RPGRIP1: variants seen among roughly 807,000 people sequenced by gnomAD.
RPGRIP1 encodes X-linked retinitis pigmentosa GTPase regulator-interacting protein 1.
RPGRIP1 carries 128 observed loss-of-function variants against 157.9 expected under a neutral mutation model. That is an observed-to-expected ratio of 0.81 (90% CI 0.70 to 0.94). RPGRIP1 has a LOEUF of 0.94. Among genes scored for constraint, RPGRIP1 ranks in the 40% least tolerant of loss-of-function variants. The pLI is 0.00. For synonymous variants in RPGRIP1, 554 were observed against 571.6 expected (o/e 0.97, Z 0.44); for missense variants, 1,486 against 1,545.8 (o/e 0.96, Z 0.65).
chr14:21,331,473 G>A (rs748886943), intron 20 of RPGRIP1, among the ~76,000 whole-genome samples: 14 of 152,090 alleles, frequency 9.2e-5, no homozygotes, highest in Non-Finnish European at 1.8e-4. Flanking sequence ...AGTGAGCTGA[G>A]ATTATACCAC....
At chr14:21,342,785 G>A (rs138964091) in intron 21 of RPGRIP1, among the ~76,000 whole-genome samples, 6 of 152,212 alleles carry the variant, frequency 3.9e-5, no homozygotes, top group African/African-American at 1.4e-4. Context: ...CTGGAGAAAT[G>A]ATCCACTGGA....
intron 3 of RPGRIP1, among the ~76,000 whole-genome samples, chr14:21,296,901 G>A (rs372903429): frequency 6.7e-6 from 1 of 148,694 alleles, no homozygotes; most frequent in Non-Finnish European, 1.5e-5. Flanking sequence ...GCAGTGAGCC[G>A]AAATTGTGCC....
chr14:21,297,246 C>T (rs1035145407), intron 3 of RPGRIP1, among the ~76,000 whole-genome samples: 21 of 152,016 alleles, frequency 1.4e-4, no homozygotes, highest in African/African-American at 5.1e-4. Flanking sequence ...AAGCATGTGC[C>T]ACCATGCCTG....
At chr14:21,329,504 C>CTTT (rs1400332697) in intron 19 of RPGRIP1, among the ~76,000 whole-genome samples, 1 of 137,582 alleles carries the variant, frequency 7.3e-6, no homozygotes, top group Non-Finnish European at 1.6e-5. Flanking sequence ...CAAGTACTCA[C>CTTT]TTTTTTTTTT....
At chr14:21,305,640 C>T (rs1429300513) in intron 6 of RPGRIP1, among the ~76,000 whole-genome samples, 1 of 152,134 alleles carries the variant, frequency 6.6e-6, no homozygotes, top group African/African-American at 2.4e-5. Flanking sequence ...GTGGGTGGAT[C>T]ATTTGTGGTC....
chr14:21,343,471 G>A (rs10438064), intron 22 of RPGRIP1, among the ~76,000 whole-genome samples: 48 of 151,890 alleles, frequency 3.2e-4, no homozygotes, highest in African/African-American at 1.2e-3. Flanking sequence ...CTCAATCCAC[G>A]GCTTCCCACA....
In RPGRIP1 at chr14:21,324,799, C is replaced by A; in HGVS notation, c.1944C>A (p.Thr648=). The change falls in exon 15 of 25, where the codon ACC becomes ACA. Residue 648 remains threonine, a synonymous_variant. Transcript: ENST00000400017. ...CCGCCCTAGCTCAGGCTGGAGATAC[C>A]CAACCTACCACTTTCTGCACCTATT... is the stretch of plus-strand genomic sequence containing the variant. The part of the protein sequence containing the change: ...TSAALAQAGD[T]QPTTFCTYSF... 6.2e-7 allele frequency: 1 copy of A among 1,614,050 alleles called. No homozygotes were observed. Among genetic ancestry groups the A allele is most frequent in the Non-Finnish European group, 8.5e-7 (1 of 1,179,908 alleles).
At position 21,280,734 on chromosome 14, in the gene RPGRIP1, T is replaced by C. The variant is rs111397157; in HGVS notation, c.-39+575T>C. Among the ~76,000 whole-genome samples the C allele has an allele frequency of 1.1e-3, 168 of 151,052 alleles. 4 individuals are homozygous for C. The highest frequency in any genetic ancestry group is 3.8e-3 in the African/African-American group (157 of 41,288). ...TCCATCCCCCACCCCCCTCCTTCCC[T>C]AGTTCAAGACTTCTTGCCTGAACTA... On this transcript the variant is annotated intron_variant, in intron 1 of 24. Transcript: ENST00000400017.
In RPGRIP1 at chr14:21,310,779, A is replaced by C. The variant is rs1735788897; in HGVS notation, c.930+172A>C. 6.0e-6 allele frequency: 4 copies of C among 669,294 alleles called. No homozygotes were observed. In the Admixed American group the frequency reaches 6.9e-5, roughly 12 times the overall value. The allele number at this position is 669,294 out of a possible 1,614,324, so 41.5% of individuals were successfully genotyped here. ...TACTATTATGATTATCAAAAGATAC[A>C]GATACTTATTGCACTGTTTTCATAA... On this transcript the variant is annotated intron_variant, in intron 8 of 24. Coordinates refer to ENST00000400017, the MANE Select transcript of RPGRIP1 (RefSeq NM_020366.4).
At chr14:21,326,597 C>T (rs575896436) in intron 17 of RPGRIP1, among the ~76,000 whole-genome samples, 6 of 152,014 alleles carry the variant, frequency 3.9e-5, no homozygotes, top group East Asian at 1.9e-4. Context: ...CTTCAACTCC[C>T]GACCTCAGGT....
intron 1 of RPGRIP1, among the ~76,000 whole-genome samples, chr14:21,284,134 A>G (rs1026362107): frequency 2.6e-5 from 4 of 152,190 alleles, no homozygotes; most frequent in African/African-American, 4.8e-5. Context: ...TTCAAGTTAA[A>G]TTGCCCGGAA....
intron 7 of RPGRIP1, among the ~76,000 whole-genome samples, chr14:21,308,650 T>G (rs1260263546): frequency 6.6e-6 from 1 of 151,984 alleles, no homozygotes; most frequent in Non-Finnish European, 1.5e-5. Context: ...TGGAGCGGCT[T>G]TAAGGAGCGG....
In RPGRIP1 at chr14:21,333,115, A is replaced by G. The variant is rs74598821; in HGVS notation, c.3239-1490A>G. ...TGCTTCATTTCAAAACAAAAACAAA[A>G]CAAAAACCTCAAAAGCACCAGTTAG... On this transcript the variant is annotated intron_variant, in intron 20 of 24. Coordinates refer to ENST00000400017, the MANE Select transcript of RPGRIP1 (RefSeq NM_020366.4). Among the ~76,000 whole-genome samples, 854 of 152,294 alleles carry G rather than the reference A, an allele frequency of 5.6e-3. 9 individuals carry two copies. Among genetic ancestry groups the G allele is most frequent in the African/African-American group, 0.02 (822 of 41,560 alleles).
chr14:21,281,709 AT>A lies in RPGRIP1; in HGVS notation c.-39+1551del, dbSNP rs1277980184. Among the ~76,000 whole-genome samples the A allele has an allele frequency of 2.0e-3, 282 of 144,158 alleles. 1 individual carries two copies. The highest frequency in any genetic ancestry group is 6.7e-3 in the African/African-American group (264 of 39,246). The allele number at this position is 144,158 out of a possible 152,430, so 94.6% of individuals were successfully genotyped here. On this transcript the variant is annotated intron_variant, in intron 1 of 24. Coordinates refer to ENST00000400017, the MANE Select transcript of RPGRIP1 (RefSeq NM_020366.4). ...GTCTCAAAAAAAAAAAAAATAAATA[AT>A]AATAATAATAATAATAATAATAATA...
chr14:21,307,138 C>T (rs1304092010), intron 6 of RPGRIP1, among the ~76,000 whole-genome samples: 1 of 152,110 alleles, frequency 6.6e-6, no homozygotes, highest in East Asian at 1.9e-4. Flanking sequence ...CTCACTGCAA[C>T]CTCCGCCTCC....
rs1035500146 is a variant in RPGRIP1, at chr14:21,350,395, A to C, written c.3749-709A>C. 1.6e-4 allele frequency among the ~76,000 whole-genome samples: 24 copies of C among 150,698 alleles called. 1 individual carries two copies. Among genetic ancestry groups the C allele is most frequent in the African/African-American group, 5.4e-4 (22 of 40,464 alleles). On this transcript the variant is annotated intron_variant, in intron 24 of 24. Coordinates refer to ENST00000400017, the MANE Select transcript of RPGRIP1 (RefSeq NM_020366.4). ...TGTCTCCAAAAAAAAAAAAAAAAAA[A>C]AGAAAACAGGAATTAAGAGTACATA...
At chr14:21,285,540 G>A (rs1880268813) in intron 1 of RPGRIP1, among the ~76,000 whole-genome samples, 3 of 151,602 alleles carry the variant, frequency 2.0e-5, no homozygotes, top group Non-Finnish European at 2.9e-5. Flanking sequence ...GGGAGGTGGA[G>A]GTTACAGTGA....
chr14:21,312,337 CCT>C (rs1881573569), intron 9 of RPGRIP1, 94 bp from the exon 10 acceptor site: 2 of 744,464 alleles, frequency 2.7e-6, no homozygotes, highest in Non-Finnish European at 4.4e-6. Flanking sequence ...TGATAGAAAG[CCT>C]CTCACCCACG....
At chr14:21,329,962 A>G (rs970253231) in intron 19 of RPGRIP1, among the ~76,000 whole-genome samples, 1 of 150,896 alleles carries the variant, frequency 6.6e-6, no homozygotes, top group Non-Finnish European at 1.5e-5. Flanking sequence ...TACTAAAAAT[A>G]GAAAAATTAG....
Sources: gnomAD v4.1 joint callset for allele counts (sites outside exome capture counted in the v4.1 genomes callset) on GRCh38, gnomAD v4.1.1 for gene constraint, MANE v1.5 for transcripts, NCBI Gene and HGNC (gene_info 2026-07-23, HGNC 2026-07-21) for gene names.